Variants in SLC24A2 observed in about 807,000 individuals in gnomAD.
SLC24A2 encodes sodium/potassium/calcium exchanger 2.
Under a neutral mutation model 62.0 loss-of-function variants are expected in SLC24A2, and 36 were observed. The ratio of observed to expected loss-of-function variants is 0.58; its 90% CI spans 0.44 to 0.77. SLC24A2 has a LOEUF of 0.77. Among genes scored for constraint, SLC24A2 ranks in the 30% least tolerant of loss-of-function variants. SLC24A2 has a pLI of 0.00. For synonymous variants in SLC24A2, 358 were observed against 294.0 expected, an observed-to-expected ratio of 1.22 and a Z score of -2.23; for missense variants, 846 against 817.9, an observed-to-expected ratio of 1.03 and a Z score of -0.42.
At chr9:19,869,051 G>A in the SLC24A2 span, among the ~76,000 whole-genome samples, 2 of 152,014 alleles carry the variant, frequency 1.3e-5, no homozygotes, top group African/African-American at 2.4e-5. Context: ...GCAGGAACAC[G>A]GCTCACTGCA....
chr9:19,795,083 T>A, the SLC24A2 span, among the ~76,000 whole-genome samples: 1 of 152,232 alleles, frequency 6.6e-6, no homozygotes, highest in South Asian at 2.1e-4. Flanking sequence ...ATACTTGTTT[T>A]ATTCAATTCA....
intron 7 of SLC24A2, among the ~76,000 whole-genome samples, chr9:19,552,512 G>A (rs570810304): frequency 6.6e-6 from 1 of 152,234 alleles, no homozygotes; most frequent in South Asian, 2.1e-4. Flanking sequence ...TCTCACATGA[G>A]AGATGATTTT....
At chr9:19,683,422 G>C (rs1819780944) in intron 2 of SLC24A2, among the ~76,000 whole-genome samples, 1 of 152,064 alleles carries the variant, frequency 6.6e-6, no homozygotes, top group Non-Finnish European at 1.5e-5. Context: ...TGTCTTTATG[G>C]AAATGGAAGA....
intron 2 of SLC24A2, among the ~76,000 whole-genome samples, chr9:19,696,188 G>A (rs928519442): frequency 1.3e-5 from 2 of 152,138 alleles, no homozygotes. Context: ...CTGATGATCT[G>A]AGGTGGAACA....
the SLC24A2 span, among the ~76,000 whole-genome samples, chr9:20,224,194 C>T: frequency 6.6e-6 from 1 of 151,790 alleles, no homozygotes; most frequent in African/African-American, 2.4e-5. Flanking sequence ...CCAAGAAAAC[C>T]TCAGAGATGA....
At chr9:19,578,579 C>G (rs1836104687) in intron 5 of SLC24A2, among the ~76,000 whole-genome samples, 3 of 151,740 alleles carry the variant, frequency 2.0e-5, no homozygotes, top group South Asian at 4.2e-4. Context: ...GGCTTGTGTT[C>G]TCTAGCAGCA....
At chr9:19,526,725 G>C (rs4977549) in intron 9 of SLC24A2, among the ~76,000 whole-genome samples, 49,613 of 151,838 alleles carry the variant, frequency 0.33, 8,826 homozygotes, top group East Asian at 0.55. Flanking sequence ...GGAGCTTTAA[G>C]CTTGTATCTT....
At chr9:19,891,688 G>C in the SLC24A2 span, among the ~76,000 whole-genome samples, 1 of 152,198 alleles carries the variant, frequency 6.6e-6, no homozygotes, top group African/African-American at 2.4e-5. Flanking sequence ...CAAGGCTGCA[G>C]TGAGCTATGA....
the SLC24A2 span, among the ~76,000 whole-genome samples, chr9:19,821,348 T>G: frequency 6.6e-6 from 1 of 152,108 alleles, no homozygotes; most frequent in Non-Finnish European, 1.5e-5. Context: ...AATTAACATA[T>G]TAGTGATGAT....
chr9:19,990,534 C>T, the SLC24A2 span, among the ~76,000 whole-genome samples: 1 of 150,518 alleles, frequency 6.6e-6, no homozygotes, highest in Admixed American at 6.6e-5. Flanking sequence ...TCACTTGAAC[C>T]TGGGAGGCAG....
chr9:20,253,250 A>G, the SLC24A2 span, among the ~76,000 whole-genome samples: 6 of 152,216 alleles, frequency 3.9e-5, no homozygotes, highest in African/African-American at 1.4e-4. Flanking sequence ...TTAGTATCTA[A>G]GCTCCCATTT....
At chr9:20,057,894 A>T in the SLC24A2 span, among the ~76,000 whole-genome samples, 1 of 152,232 alleles carries the variant, frequency 6.6e-6, no homozygotes, top group South Asian at 2.1e-4. Flanking sequence ...CCATGATATG[A>T]AACTACATCA....
intron 2 of SLC24A2, among the ~76,000 whole-genome samples, chr9:19,750,820 T>A (rs1821961080): frequency 1.3e-5 from 2 of 152,166 alleles, no homozygotes; most frequent in African/African-American, 4.8e-5. Flanking sequence ...CGGCCAGGTG[T>A]CTGCCATCTG....
chr9:20,097,720 A>ATTTTTTTTTTTTTTTTT, the SLC24A2 span, among the ~76,000 whole-genome samples: 7 of 69,114 alleles, frequency 1.0e-4, 1 homozygote, highest in East Asian at 6.5e-4. Context: ...ATCTTAAATA[A>ATTTTTTTTTTTTTTTTT]TTTTTTTTTT....
chr9:19,881,068 A>G, the SLC24A2 span, among the ~76,000 whole-genome samples: 4,716 of 152,292 alleles, frequency 0.031, 235 homozygotes, highest in African/African-American at 0.11. Flanking sequence ...AAGGATGATT[A>G]GTATATGTCA....
chr9:19,994,502 T>G, the SLC24A2 span, among the ~76,000 whole-genome samples: 1 of 152,062 alleles, frequency 6.6e-6, no homozygotes, highest in African/African-American at 2.4e-5. Context: ...GCTGCAAGGT[T>G]TTTCACGTTC....
At chr9:20,026,480 A>C in the SLC24A2 span, among the ~76,000 whole-genome samples, 1 of 152,226 alleles carries the variant, frequency 6.6e-6, no homozygotes. Context: ...TCTCTTTAAG[A>C]GAGGAAATAA....
chr9:19,950,079 T>C, the SLC24A2 span, among the ~76,000 whole-genome samples: 7 of 152,210 alleles, frequency 4.6e-5, no homozygotes, highest in Admixed American at 2.0e-4. Flanking sequence ...GTTAAAAGGA[T>C]AGATTCTGGT....
At chr9:20,230,554 A>G in the SLC24A2 span, among the ~76,000 whole-genome samples, 2 of 151,972 alleles carry the variant, frequency 1.3e-5, no homozygotes, top group African/African-American at 4.8e-5. Context: ...GTCTGTTCAT[A>G]TCCTTCACCC....
Sources: gnomAD v4.1 joint callset for allele counts (sites outside exome capture counted in the v4.1 genomes callset) on GRCh38, gnomAD v4.1.1 for gene constraint, MANE v1.5 for transcripts, NCBI Gene and HGNC (gene_info 2026-07-23, HGNC 2026-07-21) for gene names.